Variants in PTPRN2 observed in about 807,000 individuals in gnomAD.
PTPRN2 encodes the protein receptor-type tyrosine-protein phosphatase N2.
In PTPRN2, 74 loss-of-function variants were observed where a neutral mutation model predicts 118.8. That is an observed-to-expected ratio of 0.62 (90% CI 0.52 to 0.76). The LOEUF is 0.76. Among genes scored for constraint, PTPRN2 ranks in the 30% least tolerant of loss-of-function variants. The pLI, the probability that PTPRN2 is intolerant of heterozygous loss-of-function variation, is 0.00. For synonymous variants in PTPRN2, 641 were observed against 608.0 expected, an observed-to-expected ratio of 1.05 and a Z score of -0.80; for missense variants, 1,481 against 1,394.4, an observed-to-expected ratio of 1.06 and a Z score of -0.99.
chr7:157,886,473 T>A (rs1241368019), intron 12 of PTPRN2, among the ~76,000 whole-genome samples: 2 of 152,138 alleles, frequency 1.3e-5, no homozygotes, highest in African/African-American at 4.8e-5. Flanking sequence ...AAAAATTGAA[T>A]GTGTTGCTAT....
In PTPRN2 at chr7:157,919,083, A is replaced by G. The variant is rs78110738; in HGVS notation, c.1724-20346T>C. On this transcript the variant is annotated intron_variant, in intron 11 of 22. Coordinates refer to ENST00000389418, the MANE Select transcript of PTPRN2 (RefSeq NM_002847.5). Reference sequence around the variant, plus strand: ...GAAACAAGTCTCCCTAGCTCCCACAAGGGTCCTACAGCGGGCCCGAGAACA... The same window carrying G: ...GAAACAAGTCTCCCTAGCTCCCACAGGGGTCCTACAGCGGGCCCGAGAACA... 0.011 allele frequency among the ~76,000 whole-genome samples: 1,745 copies of G among 152,332 alleles called. 150 individuals are homozygous for G. The East Asian group carries it at 0.24, about 21-fold the overall frequency.
chr7:157,755,283 C>T (rs1243368029), intron 12 of PTPRN2, among the ~76,000 whole-genome samples: 1 of 152,206 alleles, frequency 6.6e-6, no homozygotes, highest in African/African-American at 2.4e-5. Flanking sequence ...AAAAACTACC[C>T]AGAAACCCAG....
At chr7:158,422,993 C>T (rs1429376745) in intron 2 of PTPRN2, among the ~76,000 whole-genome samples, 1 of 152,228 alleles carries the variant, frequency 6.6e-6, no homozygotes, top group East Asian at 1.9e-4. Context: ...CAATCAGGGC[C>T]CACGCCAGTT....
intron 10 of PTPRN2, among the ~76,000 whole-genome samples, chr7:158,105,745 G>T (rs1163205040): frequency 6.6e-6 from 1 of 151,070 alleles, no homozygotes; most frequent in Non-Finnish European, 1.5e-5. Flanking sequence ...CATCTCCATT[G>T]TATCTCCATC....
intron 22 of PTPRN2, 133 bp downstream of exon 22, chr7:157,548,813 C>G (rs532697109): frequency 4.4e-6 from 4 of 918,508 alleles, no homozygotes; most frequent in African/African-American, 1.6e-5. Flanking sequence ...CCGGCATGGA[C>G]GAGGCCGGTC....
rs185340062 is a variant in PTPRN2 at position 158,355,415 on chromosome 7, T to C, written c.164-38483A>G. Among the ~76,000 whole-genome samples the C allele has an allele frequency of 5.7e-3, 861 of 152,340 alleles. 6 individuals carry two copies. The highest frequency in any genetic ancestry group is 6.8e-3 in the Non-Finnish European group (464 of 68,034). On this transcript the variant is annotated intron_variant, in intron 2 of 22. Coordinates refer to ENST00000389418, the MANE Select transcript of PTPRN2 (RefSeq NM_002847.5). Reference sequence around the variant, plus strand: ...AGCATAAGTGTCTGTAATTTAGCTTTTGTGAGCTGTGAACATTGCCTGCCT... The same window carrying C: ...AGCATAAGTGTCTGTAATTTAGCTTCTGTGAGCTGTGAACATTGCCTGCCT...
rs1586967999 is a variant in PTPRN2, at chr7:158,574,183, G to A, written c.112+13375C>T. 2.0e-5 allele frequency among the ~76,000 whole-genome samples: 3 copies of A among 152,226 alleles called. No individual in the cohort carries two copies. The East Asian group carries it at 5.8e-4, about 29-fold the overall frequency. ...GAGCACTGTTCTCAGCATATATTGTGCATCGAGACAGCAAATAACCATAGA... is the reference window on the plus strand; with the variant it reads ...GAGCACTGTTCTCAGCATATATTGTACATCGAGACAGCAAATAACCATAGA... On this transcript the variant is annotated intron_variant, in intron 1 of 22. Coordinates refer to ENST00000389418, the MANE Select transcript of PTPRN2 (RefSeq NM_002847.5). This position sits in a 1 kb window ranked among gnomAD's most constrained non-coding sequence, Gnocchi z 4.6.
At chr7:157,745,478 G>A (rs1800872007) in intron 12 of PTPRN2, among the ~76,000 whole-genome samples, 3 of 152,064 alleles carry the variant, frequency 2.0e-5, no homozygotes, top group African/African-American at 7.2e-5. Flanking sequence ...GGACAGGGCA[G>A]GCTCAGGGAG....
At chr7:158,317,348 T>C (rs887937597) in intron 2 of PTPRN2, among the ~76,000 whole-genome samples, 6 of 152,232 alleles carry the variant, frequency 3.9e-5, no homozygotes, top group Non-Finnish European at 8.8e-5. Flanking sequence ...AAATATTACT[T>C]TGCAGGAGCT....
intron 6 of PTPRN2, among the ~76,000 whole-genome samples, chr7:158,144,253 C>A (rs527264990): frequency 6.6e-6 from 1 of 152,274 alleles, no homozygotes; most frequent in South Asian, 2.1e-4. Flanking sequence ...TTCTGAGCCC[C>A]CCAAGGTTTA....
intron 2 of PTPRN2, among the ~76,000 whole-genome samples, chr7:158,361,440 AT>A (rs796093809): frequency 5.9e-5 from 9 of 152,320 alleles, no homozygotes; most frequent in African/African-American, 2.2e-4. Flanking sequence ...CCCAGACCCC[AT>A]CACAGCTGGC....
chr7:157,656,987 A>G (rs370233898), intron 13 of PTPRN2, among the ~76,000 whole-genome samples: 10 of 138,722 alleles, frequency 7.2e-5, no homozygotes, highest in African/African-American at 2.8e-4. Context: ...CACCACACAC[A>G]TCACACATAT....
chr7:157,614,033 C>CT (rs1166914622), intron 15 of PTPRN2: 1 of 471,394 alleles, frequency 2.1e-6, no homozygotes, highest in South Asian at 1.5e-5. Flanking sequence ...AACGGGATGC[C>CT]TTGGAAAGCA....
At chr7:157,566,742 G>A (rs1799504318) in intron 21 of PTPRN2, among the ~76,000 whole-genome samples, 1 of 152,224 alleles carries the variant, frequency 6.6e-6, no homozygotes, top group Admixed American at 6.5e-5. Context: ...TGGACAATAT[G>A]CCAGCCCTGC....
At chr7:157,691,796 G>A (rs1313381239) in intron 12 of PTPRN2, among the ~76,000 whole-genome samples, 1 of 152,116 alleles carries the variant, frequency 6.6e-6, no homozygotes, top group African/African-American at 2.4e-5. Context: ...GGCCCCTGGC[G>A]CAGTCAGGCC....
chr7:157,989,421 AAAAAAGAAAAGAAAAGAG>A (rs1804071048), intron 11 of PTPRN2, among the ~76,000 whole-genome samples: 2 of 152,292 alleles, frequency 1.3e-5, no homozygotes, highest in South Asian at 2.1e-4. Context: ...CACACCTTAG[AAAAAAGAAAAGAAAAGAG>A]AAAAAGAAAA....
At chr7:158,378,433 G>A (rs1810715507) in intron 2 of PTPRN2, among the ~76,000 whole-genome samples, 1 of 152,122 alleles carries the variant, frequency 6.6e-6, no homozygotes, top group Admixed American at 6.6e-5. Flanking sequence ...TTCTGAAGGG[G>A]GAACCGCAGG....
intron 12 of PTPRN2, among the ~76,000 whole-genome samples, chr7:157,791,782 G>A (rs1585479270): frequency 1.3e-5 from 2 of 152,246 alleles, no homozygotes; most frequent in South Asian, 4.1e-4. Context: ...GTTCTCCTAG[G>A]AGGTTTCTGG....
intron 2 of PTPRN2, among the ~76,000 whole-genome samples, chr7:158,376,183 C>CA (rs1300113712): frequency 6.6e-6 from 1 of 152,188 alleles, no homozygotes; most frequent in East Asian, 1.9e-4. Context: ...TGTGTGCTCT[C>CA]CCTTCCCTAA....
Sources: allele counts gnomAD v4.1 joint callset (sites outside exome capture counted in the v4.1 genomes callset), GRCh38; gene constraint gnomAD v4.1.1; non-coding constraint Gnocchi (gnomAD v3.1); transcripts MANE v1.5; gene names NCBI Gene and HGNC (gene_info 2026-07-23, HGNC 2026-07-21).